The following HIVEP2 variants were observed in gnomAD, a reference collection of about 807,000 sequenced individuals.
HIVEP2 encodes HIVEP zinc finger 2, also known as transcription factor HIVEP2.
In HIVEP2, 14 loss-of-function variants were observed where a neutral mutation model predicts 180.7. The ratio of observed to expected loss-of-function variants is 0.08; its 90% CI spans 0.05 to 0.12. The LOEUF (loss-of-function observed/expected upper bound fraction) is 0.12. HIVEP2 is among the 10% of genes least tolerant of loss of function. HIVEP2 has a pLI of 1.00. For missense variants in HIVEP2, 2,579 were observed against 3,008.5 expected, an observed-to-expected ratio of 0.86 and a Z score of 3.34; for synonymous variants, 1,184 against 1,136.4, an observed-to-expected ratio of 1.04 and a Z score of -0.84.
chr6:142,851,321 A>G (rs1775666746), intron 1 of HIVEP2, among the ~76,000 whole-genome samples: 1 of 152,194 alleles, frequency 6.6e-6, no homozygotes, highest in African/African-American at 2.4e-5. Flanking sequence ...GCATGATTTA[A>G]TTTCTCTATA....
chr6:142,828,933 G>A (rs1265043468), intron 2 of HIVEP2, among the ~76,000 whole-genome samples: 3 of 152,064 alleles, frequency 2.0e-5, no homozygotes, highest in Non-Finnish European at 4.4e-5. Context: ...CCAAGCCAAA[G>A]CCTATAGAAT....
Position 142,775,179 on chromosome 6 carries a change from C to CAA in HIVEP2, c.-387-56_-387-55dup, listed in dbSNP as rs35710932. 8.5e-3 allele frequency: 2,733 copies of CAA among 321,352 alleles called. 4 individuals carry two copies. The highest frequency in any genetic ancestry group is 0.012 in the Middle Eastern group (7 of 608). 19.9% of individuals were successfully genotyped at this position (321,352 alleles called of 1,614,324 possible). A position where few individuals can be genotyped will look rare whatever the true frequency, so the allele number is the denominator to read the frequency against. The stretch of plus-strand genomic sequence containing the variant: ...GTCATAACAGTTTCAAATAAGAAAC[C>CAA]AAAAAAAAAAAAAACCTAACTAACC... On this transcript the variant is annotated intron_variant, in intron 4 of 9. Coordinates refer to ENST00000367603, the MANE Select transcript of HIVEP2 (RefSeq NM_006734.4).
At chr6:142,927,399 G>T (rs757617066) in intron 1 of HIVEP2, among the ~76,000 whole-genome samples, 1 of 152,006 alleles carries the variant, frequency 6.6e-6, no homozygotes, top group Non-Finnish European at 1.5e-5. Flanking sequence ...TTTTCCCCTC[G>T]TTTTCTATCT....
intron 1 of HIVEP2, among the ~76,000 whole-genome samples, chr6:142,876,778 T>C (rs1776449857): frequency 6.6e-6 from 1 of 152,126 alleles, no homozygotes; most frequent in African/African-American, 2.4e-5. Context: ...ATCCCAGCAC[T>C]TTGGGAGGCC....
intron 2 of HIVEP2, among the ~76,000 whole-genome samples, chr6:142,812,372 G>C (rs6913644): frequency 0.014 from 2,177 of 152,264 alleles, 63 homozygotes; most frequent in African/African-American, 0.05. Context: ...GCATTGGTTA[G>C]AGTACTAAGA....
intron 2 of HIVEP2, among the ~76,000 whole-genome samples, chr6:142,786,782 A>G (rs1361486861): frequency 6.6e-6 from 1 of 152,196 alleles, no homozygotes; most frequent in African/African-American, 2.4e-5. Flanking sequence ...TTTCAAAACA[A>G]GTTACAGTTA....
intron 1 of HIVEP2, among the ~76,000 whole-genome samples, chr6:142,890,141 A>T (rs1776819481): frequency 6.6e-6 from 1 of 152,210 alleles, no homozygotes; most frequent in African/African-American, 2.4e-5. Context: ...CTGTTAAAGA[A>T]ATCAGACCTA....
At chr6:142,861,161 A>G (rs1035694092) in intron 1 of HIVEP2, among the ~76,000 whole-genome samples, 4 of 152,204 alleles carry the variant, frequency 2.6e-5, no homozygotes, top group Admixed American at 2.6e-4. Flanking sequence ...TCATTCACAA[A>G]GGAAAATGCA....
intron 2 of HIVEP2, among the ~76,000 whole-genome samples, chr6:142,802,914 G>A (rs1776449572): frequency 1.3e-5 from 2 of 152,090 alleles, no homozygotes; most frequent in Non-Finnish European, 2.9e-5. Flanking sequence ...ATAAAATTCT[G>A]ATTTTGATGG....
intron 1 of HIVEP2, among the ~76,000 whole-genome samples, chr6:142,913,420 G>T (rs1032884575): frequency 6.6e-6 from 1 of 152,222 alleles, no homozygotes; most frequent in Non-Finnish European, 1.5e-5. Flanking sequence ...TCCCCATGAA[G>T]ACAGAAAATA....
chr6:142,854,767 T>G (rs1473966498), intron 1 of HIVEP2, among the ~76,000 whole-genome samples: 2 of 152,098 alleles, frequency 1.3e-5, no homozygotes, highest in East Asian at 3.9e-4. Flanking sequence ...AGCAGCTGTA[T>G]TCCTCCCCAA....
rs530216055 is a variant in HIVEP2 at position 142,819,160 on chromosome 6, G to A, written c.-528+17775C>T. On this transcript the variant is annotated intron_variant, in intron 2 of 9. Transcript: ENST00000367603. ...GAGGCAGGAGGGTTGCTTGAGCCCAGGATGCAATGAGCTATGATCACTCCA... is the reference window on the plus strand; with the variant it reads ...GAGGCAGGAGGGTTGCTTGAGCCCAAGATGCAATGAGCTATGATCACTCCA... Among the ~76,000 whole-genome samples, 12 of 152,234 alleles carry A rather than the reference G, an allele frequency of 7.9e-5. No individual in the cohort carries two copies. The South Asian group carries it at 2.3e-3, about 29-fold the overall frequency.
At chr6:142,940,800 T>C (rs1349473205) in intron 1 of HIVEP2, among the ~76,000 whole-genome samples, 4 of 152,208 alleles carry the variant, frequency 2.6e-5, no homozygotes, top group African/African-American at 7.2e-5. Flanking sequence ...ATTAAGATTA[T>C]ATGTGAGTGA....
At chr6:142,858,462 C>A (rs906449391) in intron 1 of HIVEP2, among the ~76,000 whole-genome samples, 4 of 152,172 alleles carry the variant, frequency 2.6e-5, no homozygotes, top group Non-Finnish European at 5.9e-5. Context: ...GCCCCAGTAT[C>A]CTAAACAGTG....
intron 1 of HIVEP2, among the ~76,000 whole-genome samples, chr6:142,856,459 C>T (rs1243065142): frequency 6.6e-6 from 1 of 152,176 alleles, no homozygotes; most frequent in African/African-American, 2.4e-5. Context: ...TCTAACATGA[C>T]CGATGTGCTA....
In HIVEP2 at chr6:142,838,510, C is replaced by T. The variant is rs1280295403; in HGVS notation, c.-640-1463G>A. Among the ~76,000 whole-genome samples the T allele has an allele frequency of 7.2e-5, 11 of 152,084 alleles. No homozygotes were observed. The South Asian group carries it at 1.2e-3, about 17-fold the overall frequency. On this transcript the variant is annotated intron_variant, in intron 1 of 9. Coordinates refer to ENST00000367603, the MANE Select transcript of HIVEP2 (RefSeq NM_006734.4). ...ATTTTTCGCATTTGAATATCTAGAGCGGCGAAAATATTTCTGTACTTTTCC... is the reference window on the plus strand; with the variant it reads ...ATTTTTCGCATTTGAATATCTAGAGTGGCGAAAATATTTCTGTACTTTTCC...
chr6:142,772,770 T>G lies in HIVEP2; in HGVS notation c.1969A>C (p.Asn657His), dbSNP rs1202398970. Residue 657 changes from asparagine to histidine, a missense_variant, in exon 5 of 10, where the codon AAC becomes CAC. By Grantham distance (68) the Asn-to-His change is moderately conservative. This residue lies in a region of HIVEP2 where 524 missense variants were observed against 563.6 expected (regional missense o/e 0.93). Coordinates refer to ENST00000367603, the MANE Select transcript of HIVEP2 (RefSeq NM_006734.4). This position sits in a 1 kb window ranked among gnomAD's most constrained non-coding sequence, Gnocchi z 4.9. ...CTCAAGCAGGAAATGTCCCTGTAGT[T>G]TTGCTTTGGTGTTTCAGAGTCCTCC... ...KWEDSETPKQNYRDISCLSSL... is the reference protein window; with the variant it reads ...KWEDSETPKQHYRDISCLSSL... 8 of 1,614,092 alleles carry G rather than the reference T, an allele frequency of 5.0e-6. No homozygotes were observed. The highest frequency in any genetic ancestry group is 6.8e-6 in the Non-Finnish European group (8 of 1,180,054).
intron 2 of HIVEP2, among the ~76,000 whole-genome samples, chr6:142,810,719 GCCA>G (rs1186540296): frequency 7.0e-6 from 1 of 143,444 alleles, no homozygotes; most frequent in Non-Finnish European, 1.5e-5. Flanking sequence ...CTAAGATCGC[GCCA>G]CTGCACTACC....
intron 1 of HIVEP2, among the ~76,000 whole-genome samples, chr6:142,879,529 C>A (rs1162862865): frequency 6.6e-6 from 1 of 152,150 alleles, no homozygotes; most frequent in African/African-American, 2.4e-5. Flanking sequence ...TCTTGACCTG[C>A]TCCTTCTCCT....
Sources: gnomAD v4.1 joint callset for allele counts (sites outside exome capture counted in the v4.1 genomes callset) on GRCh38, gnomAD v4.1.1 for gene constraint, gnomAD v4.1.1 regional missense constraint, Gnocchi (gnomAD v3.1) non-coding constraint, MANE v1.5 for transcripts, NCBI Gene and HGNC (gene_info 2026-07-23, HGNC 2026-07-21) for gene names.